COL27A1: variants seen among roughly 807,000 people sequenced by gnomAD.
COL27A1 encodes collagen type XXVII alpha 1 chain, also known as collagen alpha-1(XXVII) chain.
Under a neutral mutation model 251.3 loss-of-function variants are expected in COL27A1, and 106 were observed. The observed-to-expected ratio is 0.42, with a 90% CI of 0.36 to 0.50. The LOEUF (loss-of-function observed/expected upper bound fraction) is 0.50. COL27A1 is among the 20% of genes least tolerant of loss of function. The pLI is 0.00. For synonymous variants in COL27A1, 1,000 were observed against 986.3 expected (o/e 1.01, Z -0.26); for missense variants, 2,325 against 2,522.8 (o/e 0.92, Z 1.68).
intron 17 of COL27A1, 86 bp downstream of exon 17, chr9:114,235,738 A>G: frequency 2.0e-6 from 2 of 998,674 alleles, no homozygotes; most frequent in Non-Finnish European, 3.2e-6. Flanking sequence ...AGGGTCCATC[A>G]TGAGCAAGGA....
At position 114,168,409 on chromosome 9, in the gene COL27A1, GCAGGGGACCCAGGGGGACTGT is replaced by G; in HGVS notation, c.855_875del (p.Arg286_Val292del). The G allele has an allele frequency of 6.2e-7, 1 of 1,613,378 alleles. No homozygotes were observed. The highest frequency in any genetic ancestry group is 2.2e-5 in the East Asian group (1 of 44,852). ...CCAGCCCTGGGGTCACTGCCAGCAG[GCAGGGGACCCAGGGGGACTGT>G]GGCACCCGCCACGCCCACCAAGCCC... On this transcript the variant is annotated inframe_deletion, in exon 3 of 61. Transcript: ENST00000356083.
intron 19 of COL27A1, 125 bp downstream of exon 19, chr9:114,237,840 G>A: frequency 1.3e-6 from 1 of 742,558 alleles, no homozygotes; most frequent in Non-Finnish European, 2.4e-6. Flanking sequence ...AGATGAGGCT[G>A]AGAGGAGAAA....
intron 3 of COL27A1, among the ~76,000 whole-genome samples, chr9:114,170,053 G>A (rs1019159912): frequency 1.3e-5 from 2 of 152,260 alleles, no homozygotes; most frequent in African/African-American, 4.8e-5. Context: ...CTTGGAAAGT[G>A]GGAGATGCGA....
intron 7 of COL27A1, among the ~76,000 whole-genome samples, chr9:114,203,615 A>G (rs1220880403): frequency 2.0e-5 from 3 of 152,198 alleles, no homozygotes; most frequent in East Asian, 3.8e-4. Context: ...AGATACAATC[A>G]TGTCACTGAG....
In COL27A1 at chr9:114,304,635, C is replaced by T. The variant is rs750621988; in HGVS notation, c.4900C>T (p.Gln1634Ter). 1.2e-6 allele frequency: 2 copies of T among 1,614,176 alleles called. No individual in the cohort carries two copies. The highest frequency in any genetic ancestry group is 1.7e-6 in the Non-Finnish European group (2 of 1,180,030). ...ACAAGATGATCTTGGGGCAGCTTTCCAGACGTGGATGGACACCAGTGGAGC... is the reference window on the plus strand; with the variant it reads ...ACAAGATGATCTTGGGGCAGCTTTCTAGACGTGGATGGACACCAGTGGAGC... ...LQQDDLGAAF[Q>*]TWMDTSGALR... Residue 1634 changes from glutamine (Q) to a stop codon, truncating the protein, a stop_gained, in exon 57 of 61, where the codon CAG becomes TAG. Coordinates refer to ENST00000356083, the MANE Select transcript of COL27A1 (RefSeq NM_032888.4). LOFTEE classifies it high-confidence loss of function.
At chr9:114,255,285 C>A (rs922630084) in intron 27 of COL27A1, among the ~76,000 whole-genome samples, 4 of 152,180 alleles carry the variant, frequency 2.6e-5, no homozygotes, top group African/African-American at 9.7e-5. Flanking sequence ...GCTTGGAATG[C>A]AAGGGCCCGG....
At chr9:114,288,616 T>C in intron 42 of COL27A1, 86 bp from the exon 43 acceptor site, 1 of 1,549,758 alleles carries the variant, frequency 6.5e-7, no homozygotes, top group Admixed American at 1.9e-5. Context: ...CCCTGAGAGC[T>C]CCGCAGAGGT....
chr9:114,180,757 G>T (rs1467748871), intron 4 of COL27A1, among the ~76,000 whole-genome samples: 2 of 152,182 alleles, frequency 1.3e-5, no homozygotes, highest in Non-Finnish European at 2.9e-5. Context: ...CTAGGCTGCA[G>T]CATTTATAGA....
At chr9:114,303,436 A>G (rs1451600857) in intron 56 of COL27A1, among the ~76,000 whole-genome samples, 18 of 151,726 alleles carry the variant, frequency 1.2e-4, no homozygotes, top group African/African-American at 3.9e-4. Flanking sequence ...ATGGGTTTTC[A>G]CCATGTTGGC....
At chr9:114,209,422 C>T (rs772815544) in intron 10 of COL27A1, 139 of 750,422 alleles carry the variant, frequency 1.9e-4, no homozygotes, top group Non-Finnish European at 3.1e-4. Flanking sequence ...TGCCGGCGAG[C>T]GCCTGCGCCC....
intron 4 of COL27A1, among the ~76,000 whole-genome samples, chr9:114,181,149 G>C (rs1827882065): frequency 6.6e-6 from 1 of 152,196 alleles, no homozygotes; most frequent in Admixed American, 6.5e-5. Flanking sequence ...GTCACTTACA[G>C]AACAGAGGGA....
chr9:114,163,185 G>C (rs987956111), intron 2 of COL27A1, among the ~76,000 whole-genome samples: 1 of 151,848 alleles, frequency 6.6e-6, no homozygotes, highest in East Asian at 1.9e-4. Context: ...AGTGTGCCCA[G>C]ATCACGCCAC....
intron 13 of COL27A1, among the ~76,000 whole-genome samples, 153 bp from the exon 14 acceptor site, chr9:114,222,070 A>G (rs1266858797): frequency 1.3e-5 from 2 of 152,240 alleles, no homozygotes; most frequent in Non-Finnish European, 2.9e-5. Context: ...ACTCCAGGCC[A>G]GGCTCAGGAA....
chr9:114,157,008 C>G (rs1436062809), intron 1 of COL27A1, among the ~76,000 whole-genome samples: 1 of 152,094 alleles, frequency 6.6e-6, no homozygotes, highest in Non-Finnish European at 1.5e-5. Flanking sequence ...ACACCCCCTC[C>G]TTTCTTCCCC....
chr9:114,289,248 C>A lies in COL27A1; in HGVS notation c.4159C>A (p.Pro1387Thr). The A allele has an allele frequency of 1.3e-6, 2 of 1,592,982 alleles. No homozygotes were observed. Among genetic ancestry groups the A allele is most frequent in the South Asian group, 2.3e-5 (2 of 87,394 alleles). Residue 1387 changes from proline (P) to threonine (T), a missense_variant, in exon 45 of 61, where the codon CCG becomes ACG. Physicochemically the swap from Pro to Thr is conservative, Grantham distance 38. Around this residue, in one of 4 missense-constraint regions of COL27A1, gnomAD observed 662 missense variants for 795.3 expected, o/e 0.83. Transcript: ENST00000356083. Reference protein sequence around the residue: ...KPGQQGQPGHPGPRGWPGPKG... With the variant: ...KPGQQGQPGHTGPRGWPGPKG... ...ATCTCACCTTGGTTTGCAGGGGCAT[C>A]CGGGACCCCGGGGGTGGCCGGGACC...
rs748417588 is a variant in COL27A1 at position 114,235,571 on chromosome 9, G to A, written c.2566-28G>A. ...TTCCAGAACCCACGTGGCCTCCATT[G>A]TAACCTTCTTTGCTGGTGTGTACTT... On this transcript the variant is annotated intron_variant, in intron 16 of 60. Coordinates refer to ENST00000356083, the MANE Select transcript of COL27A1 (RefSeq NM_032888.4). 6.2e-6 allele frequency: 10 copies of A among 1,606,220 alleles called. No individual in the cohort carries two copies. In the South Asian group the frequency reaches 9.9e-5, roughly 16 times the overall value.
intron 7 of COL27A1, 78 bp downstream of exon 7, chr9:114,196,090 G>T: frequency 8.1e-7 from 1 of 1,241,966 alleles, no homozygotes. Context: ...AGAGCTGTGG[G>T]CCCACCTGCC....
At chr9:114,288,888 C>G (rs747091540) in intron 43 of COL27A1, 26 bp from the exon 44 acceptor site, 4 of 1,613,622 alleles carry the variant, frequency 2.5e-6, no homozygotes. Flanking sequence ...ATGGGCCCCC[C>G]TCACCTGTCT....
At chr9:114,174,766 C>G (rs1827276151) in intron 3 of COL27A1, among the ~76,000 whole-genome samples, 1 of 152,220 alleles carries the variant, frequency 6.6e-6, no homozygotes, top group Non-Finnish European at 1.5e-5. Flanking sequence ...CAGAGCTGTA[C>G]TGATGCCAAG....
Sources: gnomAD v4.1 joint callset for allele counts (sites outside exome capture counted in the v4.1 genomes callset) on GRCh38, gnomAD v4.1.1 for gene constraint, gnomAD v4.1.1 regional missense constraint, MANE v1.5 for transcripts, NCBI Gene and HGNC (gene_info 2026-07-23, HGNC 2026-07-21) for gene names.